Variants in FRMD4B observed in about 807,000 individuals in gnomAD.
The protein encoded by FRMD4B is FERM domain-containing protein 4B.
FRMD4B carries 74 observed loss-of-function variants against 141.5 expected under a neutral mutation model. The observed-to-expected ratio is 0.52, with a 90% confidence interval of 0.43 to 0.63. The LOEUF is 0.63. Among genes scored for constraint, FRMD4B ranks in the 30% least tolerant of loss-of-function variants. FRMD4B has a pLI of 0.00. For synonymous variants in FRMD4B, 506 were observed against 467.9 expected (o/e 1.08, Z -1.05); for missense variants, 1,366 against 1,253.4 (o/e 1.09, Z -1.36).
At chr3:69,350,264 T>C (rs548331678) in intron 1 of FRMD4B, among the ~76,000 whole-genome samples, 2,065 of 152,004 alleles carry the variant, frequency 0.014, 49 homozygotes, top group African/African-American at 0.046. Context: ...CAAATCAAAA[T>C]CACAATGAGA....
Position 69,218,419 on chromosome 3 carries a change from G to C in FRMD4B, c.732-40C>G, listed in dbSNP as rs754860928. On this transcript the variant is annotated intron_variant, in intron 9 of 22. Transcript: ENST00000398540. ...TATGTATCACAATCTTATTAAAATA[G>C]TTAGAGGACCCTTTTGGGAAAAGTG... 1.1e-5 allele frequency: 10 copies of C among 912,058 alleles called. No homozygotes were observed. In the African/African-American group the frequency reaches 1.7e-4, roughly 15 times the overall value. The allele number at this position is 912,058 out of a possible 1,614,324, so 56.5% of individuals were successfully genotyped here.
intron 7 of FRMD4B, among the ~76,000 whole-genome samples, chr3:69,246,129 G>T (rs1403004511): frequency 1.3e-5 from 2 of 152,136 alleles, no homozygotes; most frequent in African/African-American, 4.8e-5. Context: ...GAGCCACTGT[G>T]CTCGGCACCC....
intron 2 of FRMD4B, among the ~76,000 whole-genome samples, chr3:69,395,836 G>C (rs1704465575): frequency 6.6e-6 from 1 of 152,166 alleles, no homozygotes; most frequent in Non-Finnish European, 1.5e-5. Flanking sequence ...AGTTCAGGGA[G>C]CTTTAAGCAG....
intron 1 of FRMD4B, among the ~76,000 whole-genome samples, chr3:69,494,081 T>A (rs1430461030): frequency 6.6e-6 from 1 of 152,228 alleles, no homozygotes; most frequent in Non-Finnish European, 1.5e-5. Context: ...GGTCTTGATA[T>A]GTTGCCCAGG....
intron 1 of FRMD4B, among the ~76,000 whole-genome samples, chr3:69,438,102 G>C (rs532631622): frequency 9.7e-4 from 141 of 145,744 alleles, no homozygotes; most frequent in Non-Finnish European, 1.9e-3. Context: ...TAATATAATA[G>C]TATATACATA....
At position 69,181,070 on chromosome 3, in the gene FRMD4B, A is replaced by G; in HGVS notation, c.2680T>C (p.Leu894=). Residue 894 remains leucine (L), a synonymous_variant, in exon 21 of 23, where the codon TTA becomes CTA. Coordinates refer to ENST00000398540, the MANE Select transcript of FRMD4B (RefSeq NM_015123.3). ...CAGCCACGCAAGTGCTCGGCAACTA[A>G]GGCCTTGTGGATGTTTTTGGTGATG... ...EHITKNIHKA[L]VAEHLRGWYQ... is the part of the protein sequence containing the mutation. 1.9e-6 allele frequency: 3 copies of G among 1,613,954 alleles called. No homozygotes were observed. The highest frequency in any genetic ancestry group is 2.5e-6 in the Non-Finnish European group (3 of 1,179,884).
chr3:69,525,551 T>A (rs1262287293), intron 1 of FRMD4B, among the ~76,000 whole-genome samples: 1 of 152,248 alleles, frequency 6.6e-6, no homozygotes, highest in Non-Finnish European at 1.5e-5. Context: ...AGGCCCAGGC[T>A]AAGCCCTCAA....
intron 7 of FRMD4B, among the ~76,000 whole-genome samples, chr3:69,237,199 A>G (rs2093350844): frequency 6.6e-6 from 1 of 152,230 alleles, no homozygotes; most frequent in Non-Finnish European, 1.5e-5. Context: ...GAGAATTGGA[A>G]AGCTAGGGAG....
chr3:69,206,490 A>T (rs983535604), intron 11 of FRMD4B, among the ~76,000 whole-genome samples: 2 of 152,230 alleles, frequency 1.3e-5, no homozygotes, highest in African/African-American at 4.8e-5. Flanking sequence ...ACCTAAAAGG[A>T]TGTCATCACA....
At position 69,526,121 on chromosome 3, in the gene FRMD4B, G is replaced by A. The variant is rs551647001; in HGVS notation, c.-129+16085C>T. Among the ~76,000 whole-genome samples, 171 of 152,158 alleles carry A rather than the reference G, an allele frequency of 1.1e-3. 2 individuals are homozygous for A. Among genetic ancestry groups the A allele is most frequent in the Non-Finnish European group, 4.7e-4 (32 of 68,018 alleles). On this transcript the variant is annotated intron_variant, in intron 1 of 5. Transcript: ENST00000459638. The stretch of plus-strand genomic sequence containing the variant: ...GCTAGAGTCCTACTTTGCCAAGCAC[G>A]GGATACAACATATGCACCTACAAAT...
chr3:69,376,894 A>G (rs1703986763), intron 1 of FRMD4B: 1 of 152,178 alleles, frequency 6.6e-6, no homozygotes, highest in Non-Finnish European at 1.5e-5. Flanking sequence ...TGTTCAGAAT[A>G]AACATAAGTA....
chr3:69,444,298 CAAG>C (rs1705382419), intron 1 of FRMD4B, among the ~76,000 whole-genome samples: 1 of 152,076 alleles, frequency 6.6e-6, no homozygotes, highest in African/African-American at 2.4e-5. Context: ...GTGCAGCGGG[CAAG>C]AAGAACACAT....
At chr3:69,437,523 T>A (rs1209167022) in intron 1 of FRMD4B, among the ~76,000 whole-genome samples, 1 of 144,936 alleles carries the variant, frequency 6.9e-6, no homozygotes, top group Non-Finnish European at 1.5e-5. Flanking sequence ...ATGTAGTATG[T>A]ATTATATAAT....
At chr3:69,463,768 T>A (rs1246944784) in intron 1 of FRMD4B, among the ~76,000 whole-genome samples, 2 of 152,156 alleles carry the variant, frequency 1.3e-5, no homozygotes, top group Non-Finnish European at 2.9e-5. Context: ...CGGAAATCCA[T>A]AAGCAAACTT....
At chr3:69,254,242 T>A (rs12152375) in intron 5 of FRMD4B, among the ~76,000 whole-genome samples, 42 of 151,842 alleles carry the variant, frequency 2.8e-4, no homozygotes, top group Non-Finnish European at 5.6e-4. Context: ...GTAGCTGGGA[T>A]TACAGGGGCC....
upstream of FRMD4B, among the ~76,000 whole-genome samples, chr3:69,389,898 TTTTC>T (rs1287216959): frequency 3.1e-5 from 4 of 128,676 alleles, no homozygotes; most frequent in East Asian, 6.9e-4. Context: ...TTGTCTTGCT[TTTTC>T]TTTCTTTCTT....
chr3:69,416,335 T>C (rs1167953644), intron 2 of FRMD4B, among the ~76,000 whole-genome samples: 1 of 152,200 alleles, frequency 6.6e-6, no homozygotes, highest in Non-Finnish European at 1.5e-5. Context: ...GCAATGGCTA[T>C]TCACAGGCAC....
intron 1 of FRMD4B, among the ~76,000 whole-genome samples, chr3:69,508,594 A>G (rs1252580718): frequency 6.6e-6 from 1 of 152,226 alleles, no homozygotes; most frequent in East Asian, 1.9e-4. Flanking sequence ...GTAGTCTCTA[A>G]TTGGTCATCC....
intron 7 of FRMD4B, among the ~76,000 whole-genome samples, chr3:69,246,940 A>G (rs998105767): frequency 6.6e-6 from 1 of 152,204 alleles, no homozygotes; most frequent in African/African-American, 2.4e-5. Context: ...CCTTTGCCTC[A>G]GGCAAGGGAT....
Sources: allele counts gnomAD v4.1 joint callset (sites outside exome capture counted in the v4.1 genomes callset), GRCh38; gene constraint gnomAD v4.1.1; transcripts MANE v1.5; gene names NCBI Gene and HGNC (gene_info 2026-07-23, HGNC 2026-07-21).